Variants in KCNT1 observed in about 807,000 individuals in gnomAD.
The protein encoded by KCNT1 is potassium sodium-activated channel subfamily T member 1.
KCNT1 carries 78 observed loss-of-function variants against 147.8 expected under a neutral mutation model. That is an observed-to-expected ratio of 0.53 (90% confidence interval 0.44 to 0.64). The LOEUF is 0.64. Ranked by LOEUF, KCNT1 falls within the 30% of genes least tolerant of loss-of-function variation. The probability of loss-of-function intolerance (pLI) is 0.00; values close to 1 mark genes in which losing one functional copy is unlikely to be tolerated. For synonymous variants in KCNT1, 867 were observed against 748.8 expected, an observed-to-expected ratio of 1.16 and a Z score of -2.58; for missense variants, 1,419 against 1,750.3, an observed-to-expected ratio of 0.81 and a Z score of 3.38.
intron 29 of KCNT1, among the ~76,000 whole-genome samples, chr9:135,786,849 CCT>C (rs1424025699): frequency 6.6e-6 from 1 of 152,236 alleles, no homozygotes; most frequent in African/African-American, 2.4e-5. Flanking sequence ...CCTCAGTTTC[CCT>C]CTCTGCCAAA....
At chr9:135,745,050 C>T (rs1403844540) in intron 2 of KCNT1, among the ~76,000 whole-genome samples, 1 of 152,218 alleles carries the variant, frequency 6.6e-6, no homozygotes. Context: ...GCCGGGGATC[C>T]GGGAATGCAG....
intron 2 of KCNT1, among the ~76,000 whole-genome samples, chr9:135,731,861 C>A (rs1836445474): frequency 6.6e-6 from 1 of 150,882 alleles, no homozygotes; most frequent in South Asian, 2.1e-4. Context: ...GGAGCCATAT[C>A]TGGATGGAAT....
intron 24 of KCNT1, among the ~76,000 whole-genome samples, chr9:135,780,492 G>A (rs1276740674): frequency 6.6e-6 from 1 of 152,216 alleles, no homozygotes; most frequent in Non-Finnish European, 1.5e-5. Context: ...GGCCAGCCGT[G>A]GACCAAGAGC....
chr9:135,765,103 A>G lies in KCNT1; in HGVS notation c.1108A>G (p.Thr370Ala). 1 of 1,613,498 alleles carries G rather than the reference A, an allele frequency of 6.2e-7. No individual in the cohort carries two copies. The highest frequency in any genetic ancestry group is 8.5e-7 in the Non-Finnish European group (1 of 1,179,930). Reference sequence around the variant, plus strand: ...CAACTACAGCCGCCACCGTGCGCAGACGGAGAAGCACGTGGTCCTGTGTGT... The same window carrying G: ...CAACTACAGCCGCCACCGTGCGCAGGCGGAGAAGCACGTGGTCCTGTGTGT... ...GGNYSRHRAQ[T>A]EKHVVLCVSS... Residue 370 changes from threonine (T) to alanine (A), a missense_variant, in exon 12 of 31, where the codon ACG (threonine) becomes GCG (alanine). By Grantham distance (58) the Thr-to-Ala change is moderately conservative (BLOSUM62 0). Coordinates refer to ENST00000371757, the MANE Select transcript of KCNT1 (RefSeq NM_020822.3).
chr9:135,738,476 G>A (rs554256109), intron 2 of KCNT1, among the ~76,000 whole-genome samples: 14 of 152,114 alleles, frequency 9.2e-5, no homozygotes, highest in Non-Finnish European at 1.6e-4. Flanking sequence ...GGCCAGAGCC[G>A]AGAGGCAGGT....
At chr9:135,707,969 C>T (rs926966729) in intron 1 of KCNT1, among the ~76,000 whole-genome samples, 2 of 152,254 alleles carry the variant, frequency 1.3e-5, no homozygotes, top group African/African-American at 4.8e-5. Flanking sequence ...AGAGAGACGT[C>T]ACCGAGGACG....
Position 135,750,993 on chromosome 9 carries a change from T to C in KCNT1, c.386T>C (p.Leu129Pro). 1 of 1,613,228 alleles carries C rather than the reference T, an allele frequency of 6.2e-7. No individual in the cohort carries two copies. Among genetic ancestry groups the C allele is most frequent in the Non-Finnish European group, 8.5e-7 (1 of 1,179,860 alleles). Reference sequence around the variant, plus strand: ...TCCCTGAAGCTGCTCACCTGCCTGCTCTACATTGTGCGCGTCCTGCTCGAT... The same window carrying C: ...TCCCTGAAGCTGCTCACCTGCCTGCCCTACATTGTGCGCGTCCTGCTCGAT... ...NFSLKLLTCL[L>P]YIVRVLLDDP... Residue 129 changes from leucine (L) to proline (P), a missense_variant, in exon 4 of 31, where the codon CTC becomes CCC. Coordinates refer to ENST00000371757, the MANE Select transcript of KCNT1 (RefSeq NM_020822.3).
At chr9:135,732,750 A>ATCTCTCTCTCTCTCTCTCTC (rs71505362) in intron 2 of KCNT1, among the ~76,000 whole-genome samples, 1 of 147,762 alleles carries the variant, frequency 6.8e-6, no homozygotes, top group Admixed American at 6.7e-5. Flanking sequence ...AGTCCAACCT[A>ATCTCTCTCTCTCTCTCTCTC]TCTCTCTCTC....
At chr9:135,750,768 C>G (rs1831109872) in intron 3 of KCNT1, among the ~76,000 whole-genome samples, 174 bp from the exon 4 acceptor site, 1 of 152,180 alleles carries the variant, frequency 6.6e-6, no homozygotes, top group South Asian at 2.1e-4. Flanking sequence ...GAGGCTGACC[C>G]AAGAGCATCA....
chr9:135,730,676 G>A lies in KCNT1; in HGVS notation c.254+15956G>A, dbSNP rs1487388997. ...TTCAGGCTTGGGATTTCGGACCTCC[G>A]GGATGGTGTGCTTAAAACACTTGTG... On this transcript the variant is annotated intron_variant, in intron 2 of 30. Coordinates refer to ENST00000371757, the MANE Select transcript of KCNT1 (RefSeq NM_020822.3). This position sits in a 1 kb window ranked among gnomAD's most constrained non-coding sequence, Gnocchi z 4.7. Among the ~76,000 whole-genome samples, 4 of 152,138 alleles carry A rather than the reference G, an allele frequency of 2.6e-5. No individual in the cohort carries two copies. Among genetic ancestry groups the A allele is most frequent in the African/African-American group, 9.7e-5 (4 of 41,434 alleles).
At chr9:135,721,584 C>A (rs926212693) in intron 2 of KCNT1, among the ~76,000 whole-genome samples, 1 of 152,210 alleles carries the variant, frequency 6.6e-6, no homozygotes, top group African/African-American at 2.4e-5. Context: ...GCCTCGGGGC[C>A]GCCTGTCTGT....
chr9:135,759,465 C>G (rs899480915), intron 10 of KCNT1, among the ~76,000 whole-genome samples: 1 of 152,218 alleles, frequency 6.6e-6, no homozygotes, highest in African/African-American at 2.4e-5. Flanking sequence ...TGTCAGCCAG[C>G]GTCAGGCAGG....
chr9:135,714,800 G>T lies in KCNT1; in HGVS notation c.254+80G>T, dbSNP rs1330251077. ...GCCCGGAGCTGTCCGCGGTGCTGACGGCCGGTCCCGCGCGCCCCCGCAGCC... is the reference window on the plus strand; with the variant it reads ...GCCCGGAGCTGTCCGCGGTGCTGACTGCCGGTCCCGCGCGCCCCCGCAGCC... On this transcript the variant is annotated intron_variant, in intron 2 of 30. Coordinates refer to ENST00000371757, the MANE Select transcript of KCNT1 (RefSeq NM_020822.3). This position sits in a 1 kb window ranked among gnomAD's most constrained non-coding sequence, Gnocchi z 6.2. The T allele has an allele frequency of 3.0e-6, 3 of 1,007,852 alleles. No homozygotes were observed. Among genetic ancestry groups the T allele is most frequent in the Non-Finnish European group, 3.7e-6 (3 of 813,596 alleles). The allele number at this position is 1,007,852 out of a possible 1,614,324, so 62.4% of individuals were successfully genotyped here.
At position 135,784,113 on chromosome 9, in the gene KCNT1, A is replaced by G. The variant is rs369519989; in HGVS notation, c.2931A>G (p.Thr977=). 1.7e-5 allele frequency: 27 copies of G among 1,604,030 alleles called. No homozygotes were observed. The highest frequency in any genetic ancestry group is 6.7e-5 in the East Asian group (3 of 44,876). Residue 977 remains threonine, a synonymous_variant, in exon 25 of 31, where the codon ACA becomes ACG. Coordinates refer to ENST00000371757, the MANE Select transcript of KCNT1 (RefSeq NM_020822.3). ...TCTTCAGCATCAGCATGTTGGACAC[A>G]CTGCTCTACCAGGTCAGCGGGGAAG... The part of the protein sequence containing the change: ...GRVFSISMLD[T]LLYQSFVKDY...
chr9:135,717,032 C>T (rs1221801427), intron 2 of KCNT1, among the ~76,000 whole-genome samples: 2 of 148,674 alleles, frequency 1.3e-5, no homozygotes, highest in Non-Finnish European at 3.0e-5. Flanking sequence ...GGGAGGGGAC[C>T]TGGCCCCTGT....
intron 19 of KCNT1, among the ~76,000 whole-genome samples, chr9:135,773,994 G>A (rs868436417): frequency 1.6e-4 from 25 of 152,112 alleles, no homozygotes; most frequent in African/African-American, 5.8e-4. Context: ...GAGAAAGACC[G>A]AGTAGGGCAT....
intron 29 of KCNT1, among the ~76,000 whole-genome samples, chr9:135,787,273 G>A (rs1834130751): frequency 6.6e-6 from 1 of 152,218 alleles, no homozygotes; most frequent in Non-Finnish European, 1.5e-5. Context: ...GTGTGCTTGG[G>A]CTTCGGGGCC....
At chr9:135,787,866 T>G (rs1834190159) in intron 29 of KCNT1, among the ~76,000 whole-genome samples, 1 of 152,154 alleles carries the variant, frequency 6.6e-6, no homozygotes, top group African/African-American at 2.4e-5. Flanking sequence ...CAGAGGATGA[T>G]CCCGCCCGGT....
At chr9:135,786,574 GGGCCACAGCCAAGAACAGTC>G in intron 29 of KCNT1, 53 bp downstream of exon 29, 1 of 1,482,384 alleles carries the variant, frequency 6.7e-7, no homozygotes, top group South Asian at 1.3e-5. Context: ...GGCCAGGGTC[GGGCCACAGCCAAGAACAGTC>G]GGCCACGGCG....
Sources: gnomAD v4.1 joint callset for allele counts (sites outside exome capture counted in the v4.1 genomes callset) on GRCh38, gnomAD v4.1.1 for gene constraint, Gnocchi (gnomAD v3.1) non-coding constraint, MANE v1.5 for transcripts, NCBI Gene and HGNC (gene_info 2026-07-23, HGNC 2026-07-21) for gene names.